KHDRBS2: variants seen among roughly 807,000 people sequenced by gnomAD.
KHDRBS2 encodes KH domain-containing, RNA-binding, signal transduction-associated protein 2.
A neutral mutation model predicts 44.3 loss-of-function variants in KHDRBS2; 26 were observed. The ratio of observed to expected loss-of-function variants is 0.59; its 90% CI spans 0.43 to 0.81. The LOEUF (loss-of-function observed/expected upper bound fraction) is 0.81, where lower values mean the gene tolerates loss of function less well. Ranked by LOEUF, KHDRBS2 falls within the 40% of genes least tolerant of loss-of-function variation. The pLI, the probability that KHDRBS2 is intolerant of heterozygous loss-of-function variation, is 0.00. For missense variants in KHDRBS2, 476 were observed against 433.1 expected (o/e 1.10, Z -0.88); for synonymous variants, 194 against 151.1 (o/e 1.28, Z -2.08).
chr6:61,993,671 ATATTTTTTTT>A (rs1162923516), intron 3 of KHDRBS2, among the ~76,000 whole-genome samples: 29 of 121,870 alleles, frequency 2.4e-4, no homozygotes, highest in African/African-American at 5.7e-4. Context: ...ATATATATAT[ATATTTTTTTT>A]TTTTGATGTG....
intron 4 of KHDRBS2, among the ~76,000 whole-genome samples, chr6:61,931,376 A>C (rs1810012407): frequency 1.3e-5 from 2 of 151,986 alleles, no homozygotes; most frequent in African/African-American, 2.4e-5. Context: ...ACCCAAAAGA[A>C]ACTAAAGAAA....
chr6:62,215,510 A>C (rs956991706), intron 1 of KHDRBS2, among the ~76,000 whole-genome samples: 11 of 151,884 alleles, frequency 7.2e-5, no homozygotes, highest in African/African-American at 2.4e-4. Context: ...AGGATCTTTC[A>C]CATGAAAAGA....
At chr6:61,879,974 T>G (rs1285455162) in intron 6 of KHDRBS2, among the ~76,000 whole-genome samples, 1 of 151,824 alleles carries the variant, frequency 6.6e-6, no homozygotes, top group Non-Finnish European at 1.5e-5. Context: ...AAATTTAGCA[T>G]TGTAGGAAAA....
intron 4 of KHDRBS2, among the ~76,000 whole-genome samples, chr6:61,918,629 G>A (rs890851191): frequency 1.3e-5 from 2 of 151,952 alleles, no homozygotes; most frequent in Non-Finnish European, 2.9e-5. Flanking sequence ...ACTGTGTGTT[G>A]TTTAAGCCAC....
rs376954087 is a variant in KHDRBS2 at position 61,886,448 on chromosome 6, C to A, written c.810+8187G>T. Among the ~76,000 whole-genome samples, 11 of 151,358 alleles carry A rather than the reference C, an allele frequency of 7.3e-5. 1 individual carries two copies. The South Asian group carries it at 8.6e-4, about 12-fold the overall frequency. On this transcript the variant is annotated intron_variant, in intron 6 of 8. Coordinates refer to ENST00000281156, the MANE Select transcript of KHDRBS2 (RefSeq NM_152688.4). ...GTCTCCTTGCAGTCGTTTTTCTTAC[C>A]CTCTTAGAGGTTTTCTAAAACAGCC...
chr6:61,719,705 T>C (rs549468629), intron 7 of KHDRBS2, among the ~76,000 whole-genome samples: 1 of 152,254 alleles, frequency 6.6e-6, no homozygotes, highest in South Asian at 2.1e-4. Flanking sequence ...ACACCTTATA[T>C]CATTGTCATC....
At chr6:61,874,578 C>A (rs1224704905) in intron 6 of KHDRBS2, among the ~76,000 whole-genome samples, 3 of 152,088 alleles carry the variant, frequency 2.0e-5, no homozygotes, top group African/African-American at 7.2e-5. Flanking sequence ...GCAATGTTGA[C>A]CCTGGTAGAG....
rs945441082 is a variant in KHDRBS2, at chr6:62,139,552, C to CA, written c.219+37632dup. Among the ~76,000 whole-genome samples, 348 of 67,644 alleles carry CA rather than the reference C, an allele frequency of 5.1e-3. 3 individuals are homozygous for CA. Among genetic ancestry groups the CA allele is most frequent in the East Asian group, 0.029 (76 of 2,654 alleles). The allele number at this position is 67,644 out of a possible 152,430, so 44.4% of individuals were successfully genotyped here. ...TGGGTGACAGAGTAAGACTCCGCCTCAAAAAAAAAATAAAAAGAAATTTAT... is the reference window on the plus strand; with the variant it reads ...TGGGTGACAGAGTAAGACTCCGCCTCAAAAAAAAAAATAAAAAGAAATTTAT... On this transcript the variant is annotated intron_variant, in intron 2 of 8. Coordinates refer to ENST00000281156, the MANE Select transcript of KHDRBS2 (RefSeq NM_152688.4).
chr6:62,181,220 T>C (rs1822215587), intron 1 of KHDRBS2, among the ~76,000 whole-genome samples: 1 of 151,904 alleles, frequency 6.6e-6, no homozygotes, highest in African/African-American at 2.4e-5. Flanking sequence ...AAACAGTTTC[T>C]ACACAGCAAA....
In KHDRBS2 at chr6:61,997,864, T is replaced by G. The variant is rs6915522; in HGVS notation, c.337-19652A>C. Reference sequence around the variant, plus strand: ...ACACGATTCTATAAGAAATGTACAGTACTACAGAAGAGAGAAATAACTACT... The same window carrying G: ...ACACGATTCTATAAGAAATGTACAGGACTACAGAAGAGAGAAATAACTACT... On this transcript the variant is annotated intron_variant, in intron 3 of 8. Transcript: ENST00000281156. Among the ~76,000 whole-genome samples the G allele has an allele frequency of 8.0e-3, 1,225 of 152,252 alleles. 16 individuals carry two copies. The highest frequency in any genetic ancestry group is 0.029 in the African/African-American group (1,185 of 41,554).
the KHDRBS2 span, among the ~76,000 whole-genome samples, chr6:61,581,832 C>A: frequency 6.6e-6 from 1 of 151,040 alleles, no homozygotes; most frequent in African/African-American, 2.4e-5. Context: ...TAGCTTTATA[C>A]CCAAGATCAA....
At chr6:61,940,468 C>T (rs1811924918) in intron 4 of KHDRBS2, among the ~76,000 whole-genome samples, 1 of 152,110 alleles carries the variant, frequency 6.6e-6, no homozygotes, top group Non-Finnish European at 1.5e-5. Flanking sequence ...AATGGAACTG[C>T]TCCAGGGAGT....
intron 1 of KHDRBS2, among the ~76,000 whole-genome samples, chr6:62,214,790 C>T (rs377285516): frequency 4.6e-5 from 7 of 152,038 alleles, no homozygotes; most frequent in African/African-American, 1.4e-4. Flanking sequence ...ATGCTAAGTA[C>T]GTCTCACATA....
intron 6 of KHDRBS2, among the ~76,000 whole-genome samples, chr6:61,860,427 T>C (rs1796757667): frequency 6.6e-6 from 1 of 152,122 alleles, no homozygotes; most frequent in Non-Finnish European, 1.5e-5. Flanking sequence ...TGTGTCCATG[T>C]GCTCTCATTA....
chr6:61,901,426 T>C, intron 4 of KHDRBS2, 55 bp from the exon 5 acceptor site: 1 of 1,384,276 alleles, frequency 7.2e-7, no homozygotes, highest in South Asian at 1.4e-5. Flanking sequence ...GTTCTCAGAG[T>C]TGGAAAAAAA....
chr6:61,690,752 T>C (rs1025899178), intron 8 of KHDRBS2, among the ~76,000 whole-genome samples: 1 of 152,010 alleles, frequency 6.6e-6, no homozygotes, highest in African/African-American at 2.4e-5. Flanking sequence ...TGTATCACCT[T>C]CAAAAATGCA....
At chr6:61,971,742 C>T (rs1771469119) in intron 4 of KHDRBS2, among the ~76,000 whole-genome samples, 1 of 152,068 alleles carries the variant, frequency 6.6e-6, no homozygotes, top group Non-Finnish European at 1.5e-5. Flanking sequence ...TTCGTTGACC[C>T]TAGGAATATC....
intron 2 of KHDRBS2, among the ~76,000 whole-genome samples, chr6:62,111,545 A>C (rs1804986214): frequency 1.3e-5 from 2 of 152,066 alleles, no homozygotes; most frequent in Admixed American, 6.6e-5. Context: ...AAGTTAGATG[A>C]TTTATTAAAG....
chr6:62,155,715 C>A (rs961297909), intron 2 of KHDRBS2, among the ~76,000 whole-genome samples: 2 of 152,128 alleles, frequency 1.3e-5, no homozygotes, highest in Non-Finnish European at 2.9e-5. Flanking sequence ...AAAAACAATT[C>A]CCCCATATAG....
Sources: gnomAD v4.1 joint callset for allele counts (sites outside exome capture counted in the v4.1 genomes callset) on GRCh38, gnomAD v4.1.1 for gene constraint, MANE v1.5 for transcripts, NCBI Gene and HGNC (gene_info 2026-07-23, HGNC 2026-07-21) for gene names.